EHBP1L1: variants seen among roughly 807,000 people sequenced by gnomAD.
EHBP1L1 encodes the protein EH domain-binding protein 1-like protein 1.
A neutral mutation model predicts 151.1 loss-of-function variants in EHBP1L1; 122 were observed. The observed-to-expected ratio is 0.81, with a 90% CI of 0.70 to 0.94. The LOEUF is 0.94. Ranked by LOEUF, EHBP1L1 falls within the 40% of genes least tolerant of loss-of-function variation. The pLI is 0.00. For missense variants in EHBP1L1, 1,941 were observed against 1,959.8 expected (o/e 0.99, Z 0.18); for synonymous variants, 878 against 810.1 (o/e 1.08, Z -1.42).
chr11:65,589,990 T>G lies in EHBP1L1; in HGVS notation c.4058T>G (p.Leu1353Arg), dbSNP rs1170338974. The change falls in exon 14 of 19, where the codon CTG (leucine) becomes CGG (arginine). Residue 1353 changes from leucine to arginine, a missense_variant and splice_region_variant. Coordinates refer to ENST00000309295, the MANE Select transcript of EHBP1L1 (RefSeq NM_001099409.3). ...PPPSPGEEAG[L>R]QRFQDTSQYV... Reference sequence around the variant, plus strand: ...CCAAGCCCAGGGGAGGAGGCTGGGCTGGTAAGGAGGGCTAAGTGGGAGGAG... The same window carrying G: ...CCAAGCCCAGGGGAGGAGGCTGGGCGGGTAAGGAGGGCTAAGTGGGAGGAG... The G allele has an allele frequency of 1.9e-6, 3 of 1,599,698 alleles. No homozygotes were observed. Among genetic ancestry groups the G allele is most frequent in the Non-Finnish European group, 2.6e-6 (3 of 1,169,968 alleles).
At chr11:65,588,616 C>T (rs1331921703) in intron 12 of EHBP1L1, among the ~76,000 whole-genome samples, 2 of 152,174 alleles carry the variant, frequency 1.3e-5, no homozygotes, top group African/African-American at 4.8e-5. Context: ...GTCCCTGCCC[C>T]ATGACCCCGA....
rs1050352655 is a variant in EHBP1L1 at position 65,576,286 on chromosome 11, G to T, written c.-17G>T. 1.3e-5 allele frequency: 20 copies of T among 1,568,494 alleles called. No individual in the cohort carries two copies. The highest frequency in any genetic ancestry group is 1.6e-5 in the Non-Finnish European group (18 of 1,160,374). On this transcript the variant is annotated 5_prime_UTR_variant, in exon 1 of 19. Transcript: ENST00000309295. Reference sequence around the variant, plus strand: ...GAGCCCCGGGCCTGAGAAGTGGGCGGCGGGGTGGCGGGGGCCATGACCTCG... The same window carrying T: ...GAGCCCCGGGCCTGAGAAGTGGGCGTCGGGGTGGCGGGGGCCATGACCTCG...
chr11:65,580,878 G>A lies in EHBP1L1; in HGVS notation c.635-180G>A. 2.1e-6 allele frequency: 3 copies of A among 1,403,848 alleles called. No homozygotes were observed. The South Asian group carries it at 4.7e-5, about 22-fold the overall frequency. 87.0% of individuals were successfully genotyped at this position (1,403,848 alleles called of 1,614,324 possible). On this transcript the variant is annotated intron_variant, in intron 6 of 18. Transcript: ENST00000309295. ...AGGCTTTTTCTCTGTCCACTGTTGA[G>A]GTTCTCTCTCTCTTTCTCTCCACAT...
intron 2 of EHBP1L1, 61 bp downstream of exon 2, chr11:65,579,196 G>T: frequency 6.5e-7 from 1 of 1,542,266 alleles, no homozygotes; most frequent in Non-Finnish European, 8.8e-7. Context: ...GAGGCTGATG[G>T]GGGCTGATGG....
At position 65,581,256 on chromosome 11, in the gene EHBP1L1, G is replaced by A. The variant is rs1340064873; in HGVS notation, c.749G>A (p.Ser250Asn). Residue 250 changes from serine to asparagine, a missense_variant, in exon 8 of 19, where the codon AGT becomes AAT. Transcript: ENST00000309295. ...NAEDTSPAPV[S>N]APAPPARTSR... Reference sequence around the variant, plus strand: ...GAGGATACCAGCCCAGCCCCTGTGAGTGCTCCTGCACCCCCAGCCAGAACC... The same window carrying A: ...GAGGATACCAGCCCAGCCCCTGTGAATGCTCCTGCACCCCCAGCCAGAACC... 2 of 1,611,532 alleles carry A rather than the reference G, an allele frequency of 1.2e-6. No individual in the cohort carries two copies. Among genetic ancestry groups the A allele is most frequent in the East Asian group, 2.2e-5 (1 of 44,822 alleles).
intron 15 of EHBP1L1, 114 bp downstream of exon 15, chr11:65,590,324 T>A: frequency 6.5e-7 from 1 of 1,533,706 alleles, no homozygotes; most frequent in Non-Finnish European, 8.8e-7. Flanking sequence ...GGCATCAGCG[T>A]TCCCATTTTA....
At chr11:65,587,994 G>C (rs986229514) in intron 12 of EHBP1L1, among the ~76,000 whole-genome samples, 4 of 152,182 alleles carry the variant, frequency 2.6e-5, no homozygotes, top group African/African-American at 9.7e-5. Flanking sequence ...TACCTTGACT[G>C]TATTTTTTGG....
rs973231444 is a variant in EHBP1L1 at position 65,591,755 on chromosome 11, C to G, written c.4284-45C>G. ...GGCACTCTCTCCCTACGCCCCTTTTCCTGAACTGCCACCCCCCCGCCACCC... is the reference window on the plus strand; with the variant it reads ...GGCACTCTCTCCCTACGCCCCTTTTGCTGAACTGCCACCCCCCCGCCACCC... On this transcript the variant is annotated intron_variant, in intron 16 of 18. Coordinates refer to ENST00000309295, the MANE Select transcript of EHBP1L1 (RefSeq NM_001099409.3). 27 of 1,464,672 alleles carry G rather than the reference C, an allele frequency of 1.8e-5. 1 individual carries two copies. The Admixed American group carries it at 5.3e-4, about 29-fold the overall frequency. The allele number at this position is 1,464,672 out of a possible 1,614,324, so 90.7% of individuals were successfully genotyped here. A position where few individuals can be genotyped will look rare whatever the true frequency, so the allele number is the denominator to read the frequency against.
At position 65,576,346 on chromosome 11, in the gene EHBP1L1, C is replaced by T. The variant is rs1857323030; in HGVS notation, c.44C>T (p.Ala15Val). Reference sequence around the variant, plus strand: ...CGCCTGCAGCGCGTGGGCAAGCGGGCGGCCAAGTTCCAGTTCGTGGCCTGT... The same window carrying T: ...CGCCTGCAGCGCGTGGGCAAGCGGGTGGCCAAGTTCCAGTTCGTGGCCTGT... Reference protein sequence around the residue: ...WKRLQRVGKRAAKFQFVACYH... With the variant: ...WKRLQRVGKRVAKFQFVACYH... The change falls in exon 1 of 19, where the codon GCG (alanine) becomes GTG (valine). Residue 15 changes from alanine to valine, a missense_variant. By Grantham distance (64) the Ala-to-Val change is moderately conservative. Coordinates refer to ENST00000309295, the MANE Select transcript of EHBP1L1 (RefSeq NM_001099409.3). 1.3e-6 allele frequency: 2 copies of T among 1,599,334 alleles called. No individual in the cohort carries two copies. The highest frequency in any genetic ancestry group is 2.3e-5 in the South Asian group (2 of 88,768).
At chr11:65,579,302 G>C in intron 2 of EHBP1L1, 39 bp from the exon 3 acceptor site, 3 of 1,506,570 alleles carry the variant, frequency 2.0e-6, no homozygotes, top group Non-Finnish European at 2.7e-6. Context: ...TGGGAGGGAA[G>C]AGTTAAGATG....
intron 1 of EHBP1L1, among the ~76,000 whole-genome samples, chr11:65,577,585 C>G (rs1857391767): frequency 6.6e-6 from 1 of 152,092 alleles, no homozygotes; most frequent in Non-Finnish European, 1.5e-5. Flanking sequence ...GCCTGGAGCC[C>G]AGGCCGGGAA....
chr11:65,592,189 C>T lies in EHBP1L1; in HGVS notation c.4473-14C>T. ...CCGCCCAACGGAGCGCTGACTCGAA[C>T]CCGTTCTCCCCAGCGCCCTGGAGGA... On this transcript the variant is annotated splice_polypyrimidine_tract_variant and intron_variant, in intron 18 of 18. Coordinates refer to ENST00000309295, the MANE Select transcript of EHBP1L1 (RefSeq NM_001099409.3). 1 of 1,579,668 alleles carries T rather than the reference C, an allele frequency of 6.3e-7. No homozygotes were observed. The highest frequency in any genetic ancestry group is 8.6e-7 in the Non-Finnish European group (1 of 1,167,678).
intron 16 of EHBP1L1, among the ~76,000 whole-genome samples, chr11:65,590,811 G>A (rs551333787): frequency 6.7e-5 from 10 of 149,982 alleles, no homozygotes; most frequent in African/African-American, 1.2e-4. Context: ...CGAGGCAGGC[G>A]GATCATCTGA....
intron 1 of EHBP1L1, among the ~76,000 whole-genome samples, chr11:65,576,807 T>G (rs1485327107): frequency 6.6e-6 from 1 of 151,512 alleles, no homozygotes; most frequent in African/African-American, 2.4e-5. Context: ...CTGACCTTAC[T>G]TAGTCCAGCT....
rs751760473 is a variant in EHBP1L1, at chr11:65,583,684, G to A, written c.3012G>A (p.Val1004=). ...LTEASLPEAQ[V]ASGAGAGAPR... The stretch of plus-strand genomic sequence containing the variant: ...AGGCCAGCCTGCCTGAAGCACAGGT[G>A]GCCAGTGGGGCAGGGGCTGGGGCGC... The change falls in exon 9 of 19, where the codon GTG becomes GTA. Residue 1004 remains valine (V), a synonymous_variant. Coordinates refer to ENST00000309295, the MANE Select transcript of EHBP1L1 (RefSeq NM_001099409.3). 2.5e-6 allele frequency: 4 copies of A among 1,578,168 alleles called. No individual in the cohort carries two copies. Among genetic ancestry groups the A allele is most frequent in the Non-Finnish European group, 3.4e-6 (4 of 1,162,650 alleles).
At chr11:65,591,766 A>ACCCCCCCCCCCC (rs71036214) in intron 16 of EHBP1L1, 34 bp from the exon 17 acceptor site, 27 of 808,384 alleles carry the variant, frequency 3.3e-5, no homozygotes, top group Non-Finnish European at 4.4e-5. Flanking sequence ...CTGAACTGCC[A>ACCCCCCCCCCCC]CCCCCCCGCC....
In EHBP1L1 at chr11:65,583,279, A is replaced by G; in HGVS notation, c.2607A>G (p.Thr869=). Residue 869 remains threonine (T), a synonymous_variant, in exon 9 of 19, where the codon ACA becomes ACG. Coordinates refer to ENST00000309295, the MANE Select transcript of EHBP1L1 (RefSeq NM_001099409.3). ...AEARVLMTRK[T]EIIVPEAEKE... Reference sequence around the variant, plus strand: ...CCCGAGTACTGATGACCCGTAAGACAGAAATTATAGTTCCAGAGGCTGAGA... The same window carrying G: ...CCCGAGTACTGATGACCCGTAAGACGGAAATTATAGTTCCAGAGGCTGAGA... The G allele has an allele frequency of 2.5e-6, 4 of 1,613,602 alleles. No individual in the cohort carries two copies. The highest frequency in any genetic ancestry group is 3.4e-6 in the Non-Finnish European group (4 of 1,179,778).
chr11:65,585,213 C>T lies in EHBP1L1; in HGVS notation c.3555C>T (p.His1185=), dbSNP rs975248757. The T allele has an allele frequency of 4.1e-4, 480 of 1,158,170 alleles. No homozygotes were observed. Among genetic ancestry groups the T allele is most frequent in the Non-Finnish European group, 5.0e-4 (470 of 939,730 alleles). 71.7% of individuals were successfully genotyped at this position (1,158,170 alleles called of 1,614,324 possible). A position where few individuals can be genotyped will look rare whatever the true frequency, so the allele number is the denominator to read the frequency against. The change falls in exon 12 of 19, where the codon CAC becomes CAT. Residue 1185 remains histidine (H), a synonymous_variant. Coordinates refer to ENST00000309295, the MANE Select transcript of EHBP1L1 (RefSeq NM_001099409.3). This position sits in a 1 kb window ranked among gnomAD's most constrained non-coding sequence, Gnocchi z 4.0. ...AGGLAQRLRG[H]GAEGPQEPKE... is the part of the protein sequence containing the mutation. ...GCCTGGCGCAGCGGCTGCGCGGTCA[C>T]GGGGCCGAGGGGCCCCAGGAGCCCA...
In EHBP1L1 at chr11:65,579,117, C is replaced by G. The variant is rs1337688206; in HGVS notation, c.144C>G (p.Asn48Lys). The change falls in exon 2 of 19, where the codon AAC (asparagine) becomes AAG (lysine). Residue 48 changes from asparagine to lysine, a missense_variant. Asn to Lys is a moderately conservative substitution (Grantham distance 94). Transcript: ENST00000309295. ...DKLVVVWTRRNRRICSKAHSW... is the reference protein window; with the variant it reads ...DKLVVVWTRRKRRICSKAHSW... Reference sequence around the variant, plus strand: ...TGGTGGTGGTATGGACCCGTCGGAACCGACGCATCTGCTCCAAGGTGGGGA... The same window carrying G: ...TGGTGGTGGTATGGACCCGTCGGAAGCGACGCATCTGCTCCAAGGTGGGGA... 1 of 1,595,440 alleles carries G rather than the reference C, an allele frequency of 6.3e-7. No individual in the cohort carries two copies. The highest frequency in any genetic ancestry group is 1.7e-5 in the Admixed American group (1 of 57,776).
Sources: gnomAD v4.1 joint callset for allele counts (sites outside exome capture counted in the v4.1 genomes callset) on GRCh38, gnomAD v4.1.1 for gene constraint, Gnocchi (gnomAD v3.1) non-coding constraint, MANE v1.5 for transcripts, NCBI Gene and HGNC (gene_info 2026-07-23, HGNC 2026-07-21) for gene names.